Variants in TOX observed in about 807,000 individuals in gnomAD.
TOX encodes thymocyte selection-associated high mobility group box protein TOX.
In TOX, 11 loss-of-function variants were observed where a neutral mutation model predicts 53.7. The ratio of observed to expected loss-of-function variants is 0.20; its 90% CI spans 0.13 to 0.34. TOX has a LOEUF of 0.34. TOX is among the 10% of genes least tolerant of loss of function. The pLI is 1.00. For missense variants in TOX, 570 were observed against 664.6 expected, an observed-to-expected ratio of 0.86 and a Z score of 1.56; for synonymous variants, 225 against 245.3, an observed-to-expected ratio of 0.92 and a Z score of 0.77.
At chr8:59,004,986 G>C (rs1281133843) in intron 1 of TOX, among the ~76,000 whole-genome samples, 1 of 152,026 alleles carries the variant, frequency 6.6e-6, no homozygotes, top group East Asian at 1.9e-4. Flanking sequence ...AATAATGCTA[G>C]CATGTAAATA....
At chr8:58,939,687 T>G in intron 2 of TOX, 143 bp from the exon 3 acceptor site, 1 of 1,210,078 alleles carries the variant, frequency 8.3e-7, no homozygotes, top group Non-Finnish European at 1.1e-6. Context: ...ATTATCCTGC[T>G]GCCATTTCAT....
chr8:59,060,943 T>C (rs892131917), intron 1 of TOX, among the ~76,000 whole-genome samples: 2 of 152,142 alleles, frequency 1.3e-5, no homozygotes, highest in African/African-American at 4.8e-5. Context: ...AACGCTACTA[T>C]TGGGGGAAAA....
At chr8:58,824,625 TA>T (rs1810337250) in intron 6 of TOX, among the ~76,000 whole-genome samples, 1 of 152,244 alleles carries the variant, frequency 6.6e-6, no homozygotes. Flanking sequence ...GTCACCTCTT[TA>T]AAGAGGTCTT....
intron 1 of TOX, among the ~76,000 whole-genome samples, chr8:58,974,074 G>A (rs1466061509): frequency 1.3e-5 from 2 of 152,116 alleles, no homozygotes; most frequent in African/African-American, 2.4e-5. Flanking sequence ...CTGTAATTAC[G>A]AGTGTGAGCC....
At chr8:58,866,839 T>C (rs1258394626) in intron 3 of TOX, among the ~76,000 whole-genome samples, 2 of 152,220 alleles carry the variant, frequency 1.3e-5, no homozygotes, top group Non-Finnish European at 2.9e-5. Flanking sequence ...AAACGTGGTT[T>C]AATGATATGG....
chr8:58,832,137 A>ATAATATATGTAATATATAATATATG (rs1266318676), intron 5 of TOX, among the ~76,000 whole-genome samples: 1 of 147,080 alleles, frequency 6.8e-6, no homozygotes, highest in Admixed American at 7.0e-5. Flanking sequence ...TGTAATATAT[A>ATAATATATGTAATATATAATATATG]TAATATATGT....
At chr8:59,023,475 C>T (rs1264515717) in intron 1 of TOX, among the ~76,000 whole-genome samples, 1 of 152,106 alleles carries the variant, frequency 6.6e-6, no homozygotes, top group African/African-American at 2.4e-5. Context: ...GTCATCTGCT[C>T]GAAATCCCAC....
chr8:58,830,520 C>T lies in TOX; in HGVS notation c.925-3618G>A, dbSNP rs1161934199. 3.3e-5 allele frequency among the ~76,000 whole-genome samples: 5 copies of T among 152,206 alleles called. No individual in the cohort carries two copies. The South Asian group carries it at 8.3e-4, about 25-fold the overall frequency. ...ATTGAAATCAGCAGTTCAATATCAA[C>T]GATATGACAAACTCAAACAGAAAAA... On this transcript the variant is annotated intron_variant, in intron 5 of 8. Transcript: ENST00000361421.
chr8:58,851,487 T>C lies in TOX; in HGVS notation c.693+37A>G. 6.2e-7 allele frequency: 1 copy of C among 1,604,664 alleles called. No individual in the cohort carries two copies. Among genetic ancestry groups the C allele is most frequent in the Non-Finnish European group, 8.5e-7 (1 of 1,174,850 alleles). On this transcript the variant is annotated intron_variant, in intron 4 of 8. Coordinates refer to ENST00000361421, the MANE Select transcript of TOX (RefSeq NM_014729.3). This position sits in a 1 kb window ranked among gnomAD's most constrained non-coding sequence, Gnocchi z 4.4. ...ACAGGTCAAAGAAGGTGCCTAAGAA[T>C]AGTCTCCCATAGGTCCTAAAAATAA... is the stretch of plus-strand genomic sequence containing the variant.
At chr8:58,992,223 T>C (rs115378555) in intron 1 of TOX, 161 of 152,294 alleles carry the variant, frequency 1.1e-3, no homozygotes, top group African/African-American at 3.7e-3. Context: ...TCTACAAGAA[T>C]TCTAATGGGC....
intron 1 of TOX, among the ~76,000 whole-genome samples, chr8:59,035,604 C>A (rs1227562917): frequency 1.3e-5 from 2 of 152,248 alleles, no homozygotes; most frequent in Non-Finnish European, 2.9e-5. Flanking sequence ...TCTAATCTCT[C>A]AGAGCCTATA....
At chr8:59,043,334 G>A (rs1213398080) in intron 1 of TOX, among the ~76,000 whole-genome samples, 3 of 151,226 alleles carry the variant, frequency 2.0e-5, no homozygotes, top group African/African-American at 7.3e-5. Context: ...TGTTATGGTA[G>A]AATCTAGCTT....
intron 3 of TOX, among the ~76,000 whole-genome samples, chr8:58,872,090 T>C (rs1811207952): frequency 6.6e-6 from 1 of 151,978 alleles, no homozygotes; most frequent in Non-Finnish European, 1.5e-5. Context: ...AGATAGAACA[T>C]GTACAAAATA....
At chr8:59,034,039 C>T (rs1380336053) in intron 1 of TOX, among the ~76,000 whole-genome samples, 1 of 152,220 alleles carries the variant, frequency 6.6e-6, no homozygotes, top group Non-Finnish European at 1.5e-5. Context: ...CATGCACCAT[C>T]CATAAAGGGA....
intron 1 of TOX, among the ~76,000 whole-genome samples, chr8:59,025,115 C>CT (rs1414897924): frequency 6.6e-6 from 1 of 152,144 alleles, no homozygotes; most frequent in African/African-American, 2.4e-5. Flanking sequence ...AAGGCCCAGG[C>CT]TTCAGCCCTG....
At chr8:58,867,551 T>TCA (rs1193434045) in intron 3 of TOX, among the ~76,000 whole-genome samples, 2 of 152,242 alleles carry the variant, frequency 1.3e-5, no homozygotes, top group Non-Finnish European at 2.9e-5. Flanking sequence ...AGCATCTTTT[T>TCA]CACAGCATAA....
chr8:59,086,242 C>T (rs978636351), intron 1 of TOX, among the ~76,000 whole-genome samples: 1 of 152,144 alleles, frequency 6.6e-6, no homozygotes, highest in East Asian at 1.9e-4. Flanking sequence ...ACCTCGGCCT[C>T]CCAAAGGGCT....
At chr8:59,037,750 C>G (rs1245250722) in intron 1 of TOX, among the ~76,000 whole-genome samples, 1 of 145,086 alleles carries the variant, frequency 6.9e-6, no homozygotes, top group African/African-American at 2.6e-5. Flanking sequence ...TGCAGTGAGC[C>G]GAGACCATGC....
chr8:58,923,720 C>T (rs991371457), intron 3 of TOX, among the ~76,000 whole-genome samples: 3 of 152,070 alleles, frequency 2.0e-5, no homozygotes, highest in Non-Finnish European at 2.9e-5. Flanking sequence ...GAACTATTTC[C>T]ATATTAATTT....
Sources: gnomAD v4.1 joint callset for allele counts (sites outside exome capture counted in the v4.1 genomes callset) on GRCh38, gnomAD v4.1.1 for gene constraint, Gnocchi (gnomAD v3.1) non-coding constraint, MANE v1.5 for transcripts, NCBI Gene and HGNC (gene_info 2026-07-23, HGNC 2026-07-21) for gene names.